Variants in PVT1 observed in about 807,000 individuals in gnomAD.
PVT1 encodes Pvt1 oncogene, also known as CXCR4/PVT1 fusion.
At chr8:128,050,818 ACTACCC>A (rs1453661702) in intron 4 of PVT1, among the ~76,000 whole-genome samples, 1 of 152,172 alleles carries the variant, frequency 6.6e-6, no homozygotes, top group Non-Finnish European at 1.5e-5. Context: ...CTTCTAATTG[ACTACCC>A]CACTGATTAT....
intron 4 of PVT1, among the ~76,000 whole-genome samples, chr8:128,023,829 G>A (rs995165080): frequency 6.6e-6 from 1 of 152,188 alleles, no homozygotes; most frequent in Non-Finnish European, 1.5e-5. Context: ...AGGCAAGCCT[G>A]TTACATTCTT....
At chr8:127,913,571 T>C (rs1399377467) in intron 3 of PVT1, among the ~76,000 whole-genome samples, 2 of 152,032 alleles carry the variant, frequency 1.3e-5, no homozygotes, top group Non-Finnish European at 2.9e-5. Context: ...CCATGTGGGG[T>C]CTGCATTCTA....
chr8:127,971,788 A>G (rs1293937535), intron 3 of PVT1, among the ~76,000 whole-genome samples: 1 of 152,150 alleles, frequency 6.6e-6, no homozygotes, highest in Non-Finnish European at 1.5e-5. Flanking sequence ...TGCATGGAAC[A>G]TTCTTAGCAT....
intron 3 of PVT1, among the ~76,000 whole-genome samples, chr8:127,971,012 C>T (rs922528721): frequency 1.3e-5 from 2 of 152,214 alleles, no homozygotes; most frequent in African/African-American, 4.8e-5. Flanking sequence ...GCTATCAGTG[C>T]TGCTTAGGTA....
intron 5 of PVT1, among the ~76,000 whole-genome samples, chr8:128,093,066 C>A (rs1252990193): frequency 1.3e-5 from 2 of 152,144 alleles, no homozygotes; most frequent in African/African-American, 4.8e-5. Context: ...TAAGATCTGT[C>A]TTTCTTTTTT....
intron 3 of PVT1, among the ~76,000 whole-genome samples, chr8:127,941,622 A>G (rs1816351252): frequency 6.6e-6 from 1 of 152,240 alleles, no homozygotes; most frequent in Admixed American, 6.5e-5. Flanking sequence ...TAGAAATGTC[A>G]TGCTTTATTT....
chr8:127,964,429 C>T (rs1816681887), intron 3 of PVT1, among the ~76,000 whole-genome samples: 1 of 152,244 alleles, frequency 6.6e-6, no homozygotes, highest in African/African-American at 2.4e-5. Context: ...GTTCTAGCCA[C>T]ACTGGGCTTC....
chr8:127,959,823 C>T (rs995561264), intron 3 of PVT1, among the ~76,000 whole-genome samples: 1 of 152,068 alleles, frequency 6.6e-6, no homozygotes, highest in Non-Finnish European at 1.5e-5. Flanking sequence ...CGTCAGGAGC[C>T]CCTGGGTGGC....
intron 3 of PVT1, among the ~76,000 whole-genome samples, chr8:127,892,832 AGG>A (rs1281567915): frequency 6.6e-6 from 1 of 151,990 alleles, no homozygotes; most frequent in African/African-American, 2.4e-5. Context: ...CTGGGATGGG[AGG>A]GGATCAGTTG....
intron 2 of PVT1, among the ~76,000 whole-genome samples, chr8:127,883,247 C>T (rs1815489680): frequency 6.6e-6 from 1 of 152,158 alleles, no homozygotes; most frequent in African/African-American, 2.4e-5. Flanking sequence ...TGTTCTGTAC[C>T]TCATACCCCA....
At chr8:127,996,689 T>TC in intron 4 of PVT1, 1 of 152,328 alleles carries the variant, frequency 6.6e-6, no homozygotes, top group African/African-American at 2.4e-5. Context: ...AGTGCCATCC[T>TC]CCCTGAGTTG....
chr8:127,837,907 T>C (rs1003370046), intron 2 of PVT1, among the ~76,000 whole-genome samples: 9 of 152,028 alleles, frequency 5.9e-5, no homozygotes, highest in African/African-American at 2.2e-4. Flanking sequence ...GATTTTTTTT[T>C]TTTTTTTGAG....
intron 2 of PVT1, among the ~76,000 whole-genome samples, chr8:127,832,444 G>A (rs1814860598): frequency 6.6e-6 from 1 of 152,184 alleles, no homozygotes; most frequent in South Asian, 2.1e-4. Flanking sequence ...CATTTTTACT[G>A]TAGTACTTAA....
intron 3 of PVT1, among the ~76,000 whole-genome samples, chr8:127,964,196 C>T (rs1361110752): frequency 6.6e-6 from 1 of 152,246 alleles, no homozygotes; most frequent in Non-Finnish European, 1.5e-5. Context: ...TGCTGGGAGT[C>T]CTGTTTTGAC....
intron 3 of PVT1, among the ~76,000 whole-genome samples, chr8:127,928,476 C>G (rs1249949492): frequency 6.6e-6 from 1 of 152,212 alleles, no homozygotes; most frequent in African/African-American, 2.4e-5. Flanking sequence ...ATCATCTGCT[C>G]TGCTCTGCCA....
chr8:128,013,568 C>T (rs966451473), intron 4 of PVT1, among the ~76,000 whole-genome samples: 5 of 152,068 alleles, frequency 3.3e-5, no homozygotes, highest in African/African-American at 9.7e-5. Flanking sequence ...ACAATCTCTG[C>T]CTCTTGAGCC....
chr8:128,035,541 G>C (rs751775877), intron 4 of PVT1, among the ~76,000 whole-genome samples: 35 of 152,300 alleles, frequency 2.3e-4, no homozygotes, highest in Non-Finnish European at 4.3e-4. Context: ...GTAAGACAGT[G>C]CAGGGTACAG....
At chr8:127,831,759 A>G (rs982578560) in intron 2 of PVT1, among the ~76,000 whole-genome samples, 3 of 152,214 alleles carry the variant, frequency 2.0e-5, no homozygotes, top group Non-Finnish European at 4.4e-5. Context: ...GGGTAGAATG[A>G]GTCACACAGA....
chr8:128,084,234 T>C (rs1424828703), intron 5 of PVT1, among the ~76,000 whole-genome samples: 3 of 152,196 alleles, frequency 2.0e-5, no homozygotes, highest in Non-Finnish European at 2.9e-5. Context: ...GAACCCCAGG[T>C]GCACCCTTCC....
Sources: gnomAD v4.1 joint callset for allele counts (sites outside exome capture counted in the v4.1 genomes callset) on GRCh38, gnomAD v4.1.1 for gene constraint, MANE v1.5 for transcripts, NCBI Gene and HGNC (gene_info 2026-07-23, HGNC 2026-07-21) for gene names.